Variants in MDGA2 observed in about 807,000 individuals in gnomAD.
MDGA2 encodes MAM domain-containing glycosylphosphatidylinositol anchor protein 2.
In MDGA2, 40 loss-of-function variants were observed where a neutral mutation model predicts 117.8. The ratio of observed to expected loss-of-function variants is 0.34; its 90% confidence interval spans 0.26 to 0.44. The LOEUF is 0.44. Among genes scored for constraint, MDGA2 ranks in the 20% least tolerant of loss-of-function variants. The pLI is 1.00. For missense variants in MDGA2, 1,123 were observed against 1,250.6 expected (o/e 0.90, Z 1.54); for synonymous variants, 452 against 439.0 (o/e 1.03, Z -0.37).
intron 1 of MDGA2, among the ~76,000 whole-genome samples, chr14:47,651,173 G>A (rs938870497): frequency 6.6e-6 from 1 of 151,722 alleles, no homozygotes; most frequent in Non-Finnish European, 1.5e-5. Flanking sequence ...TCAAGAACCT[G>A]TAGATGACCT....
chr14:47,487,264 G>T (rs1894081017), intron 1 of MDGA2, among the ~76,000 whole-genome samples: 1 of 152,164 alleles, frequency 6.6e-6, no homozygotes, highest in African/African-American at 2.4e-5. Context: ...CCAATGGAGA[G>T]TTTATAGACC....
At chr14:47,545,127 G>A (rs1411017907) in intron 1 of MDGA2, among the ~76,000 whole-genome samples, 1 of 152,076 alleles carries the variant, frequency 6.6e-6, no homozygotes, top group African/African-American at 2.4e-5. Context: ...AATCTGTCAG[G>A]TTCTGTGACA....
At position 47,417,608 on chromosome 14, in the gene MDGA2, A is replaced by C. The variant is rs558329504; in HGVS notation, c.281-116058T>G. Among the ~76,000 whole-genome samples, 11 of 152,314 alleles carry C rather than the reference A, an allele frequency of 7.2e-5. No homozygotes were observed. The South Asian group carries it at 1.9e-3, about 26-fold the overall frequency. On this transcript the variant is annotated intron_variant, in intron 1 of 16. Coordinates refer to ENST00000399232, the MANE Select transcript of MDGA2 (RefSeq NM_001113498.3). ...CACAGCAATGTAGGCTTTTTCTAGC[A>C]TGCACCTCAAAACTTTTTCAGCCTC... is the stretch of plus-strand genomic sequence containing the variant.
At chr14:47,595,224 T>A (rs1340755247) in intron 1 of MDGA2, among the ~76,000 whole-genome samples, 4 of 149,872 alleles carry the variant, frequency 2.7e-5, no homozygotes, top group Non-Finnish European at 5.9e-5. Flanking sequence ...TTCTTGCAGA[T>A]CTATAGCATT....
intron 1 of MDGA2, among the ~76,000 whole-genome samples, chr14:47,511,149 A>G (rs1450271821): frequency 6.6e-6 from 1 of 152,230 alleles, no homozygotes; most frequent in African/African-American, 2.4e-5. Context: ...ATCTTGGGAC[A>G]GTACCTATCA....
chr14:47,381,089 A>T (rs1891610731), intron 1 of MDGA2, among the ~76,000 whole-genome samples: 1 of 152,234 alleles, frequency 6.6e-6, no homozygotes, highest in Non-Finnish European at 1.5e-5. Context: ...CCAGCATATA[A>T]ACAGAACCAA....
intron 1 of MDGA2, among the ~76,000 whole-genome samples, chr14:47,585,404 A>G (rs985072544): frequency 6.6e-5 from 10 of 151,942 alleles, no homozygotes; most frequent in Non-Finnish European, 1.3e-4. Flanking sequence ...AAAAAACTTG[A>G]GCAAATTACT....
At chr14:46,896,196 T>C (rs1377849200) in intron 10 of MDGA2, among the ~76,000 whole-genome samples, 1 of 152,172 alleles carries the variant, frequency 6.6e-6, no homozygotes, top group African/African-American at 2.4e-5. Flanking sequence ...CAGTAGAGAA[T>C]GTTGATATAT....
intron 1 of MDGA2, among the ~76,000 whole-genome samples, chr14:47,413,253 C>T (rs1474737888): frequency 5.3e-5 from 8 of 152,130 alleles, no homozygotes; most frequent in Admixed American, 4.6e-4. Flanking sequence ...TTTAATTACT[C>T]GTATATAGGC....
chr14:47,375,762 T>A (rs1891463587), intron 1 of MDGA2, among the ~76,000 whole-genome samples: 1 of 152,136 alleles, frequency 6.6e-6, no homozygotes, highest in Admixed American at 6.5e-5. Context: ...GAGTTTACAA[T>A]GTAACTATTT....
chr14:47,233,370 A>G (rs566948334), intron 2 of MDGA2, among the ~76,000 whole-genome samples: 1 of 152,274 alleles, frequency 6.6e-6, no homozygotes, highest in African/African-American at 2.4e-5. Flanking sequence ...CTATGTCAAA[A>G]TTACAATGCG....
At chr14:47,198,654 T>G (rs1334925281) in intron 3 of MDGA2, among the ~76,000 whole-genome samples, 8 of 152,216 alleles carry the variant, frequency 5.3e-5, no homozygotes, top group African/African-American at 1.9e-4. Context: ...AATGATGCTA[T>G]GAATATTCTG....
intron 14 of MDGA2, among the ~76,000 whole-genome samples, chr14:46,862,903 G>A (rs961322689): frequency 6.6e-6 from 1 of 151,986 alleles, no homozygotes; most frequent in Non-Finnish European, 1.5e-5. Flanking sequence ...TAATTGCAGT[G>A]CTATCCTAAA....
intron 1 of MDGA2, among the ~76,000 whole-genome samples, chr14:47,642,740 T>C (rs971211294): frequency 7.9e-5 from 12 of 152,102 alleles, no homozygotes; most frequent in African/African-American, 2.9e-4. Context: ...ATAACCCAAC[T>C]TCTGTTAACT....
chr14:47,152,170 A>C (rs1883187675), intron 3 of MDGA2, among the ~76,000 whole-genome samples: 1 of 152,128 alleles, frequency 6.6e-6, no homozygotes, highest in African/African-American at 2.4e-5. Flanking sequence ...CTCCCAAAAG[A>C]ATTTGTGGTA....
At chr14:47,498,139 A>T (rs966273683) in intron 1 of MDGA2, among the ~76,000 whole-genome samples, 1 of 152,184 alleles carries the variant, frequency 6.6e-6, no homozygotes, top group African/African-American at 2.4e-5. Flanking sequence ...GCAGAAAGCA[A>T]ACAGCAGAAG....
chr14:47,127,261 G>A (rs1007454575), intron 5 of MDGA2, among the ~76,000 whole-genome samples: 1 of 152,004 alleles, frequency 6.6e-6, no homozygotes, highest in African/African-American at 2.4e-5. Context: ...ATTGATTATA[G>A]CAATGGTAAC....
At chr14:47,428,817 T>A (rs947173924) in intron 1 of MDGA2, among the ~76,000 whole-genome samples, 1 of 152,016 alleles carries the variant, frequency 6.6e-6, no homozygotes, top group Admixed American at 6.6e-5. Context: ...TACATATATA[T>A]ATAAACACAC....
At chr14:47,175,885 G>A (rs1315288380) in intron 3 of MDGA2, among the ~76,000 whole-genome samples, 1 of 151,966 alleles carries the variant, frequency 6.6e-6, no homozygotes, top group Admixed American at 6.6e-5. Context: ...CGACATGATT[G>A]TATATCTAGA....
Sources: allele counts gnomAD v4.1 joint callset (sites outside exome capture counted in the v4.1 genomes callset), GRCh38; gene constraint gnomAD v4.1.1; transcripts MANE v1.5; gene names NCBI Gene and HGNC (gene_info 2026-07-23, HGNC 2026-07-21).